DMD: variants seen among roughly 807,000 people sequenced by gnomAD.
DMD encodes mutant dystrophin.
DMD carries 63 observed loss-of-function variants against 330.1 expected under a neutral mutation model. The ratio of observed to expected loss-of-function variants is 0.19; its 90% confidence interval spans 0.16 to 0.24. The LOEUF (loss-of-function observed/expected upper bound fraction) is 0.24, where lower values mean the gene tolerates loss of function less well. Among genes scored for constraint, DMD ranks in the 10% least tolerant of loss-of-function variants. DMD has a pLI of 1.00. For synonymous variants in DMD, 1,223 were observed against 959.8 expected (o/e 1.27, Z -5.07); for missense variants, 3,344 against 2,684.1 (o/e 1.25, Z -5.43).
chrX:32,680,106 G>A (rs1195989094), intron 9 of DMD, among the ~76,000 whole-genome samples: 3 of 106,803 alleles, frequency 2.8e-5, no homozygotes, highest in Admixed American at 1.0e-4. Flanking sequence ...TTGAGACGGG[G>A]CTTCACCATG....
chrX:32,783,405 C>A (rs113508063), intron 7 of DMD, among the ~76,000 whole-genome samples: 9,631 of 101,667 alleles, frequency 0.095, 1,222 homozygotes, highest in African/African-American at 0.33. Context: ...ACACACACAC[C>A]CCTAGTATGT....
chrX:31,668,407 A>G (rs759326140), intron 53 of DMD, among the ~76,000 whole-genome samples: 3 of 110,780 alleles, frequency 2.7e-5, no homozygotes, highest in South Asian at 3.7e-4. Context: ...ATTTAGCTCT[A>G]TGATTCATTA....
At chrX:33,279,311 G>C (rs1172763568) in intron 1 of DMD, among the ~76,000 whole-genome samples, 3 of 111,787 alleles carry the variant, frequency 2.7e-5, no homozygotes, top group Non-Finnish European at 5.6e-5. Context: ...ACTTGCTCCT[G>C]AATGACTTTT....
intron 43 of DMD, among the ~76,000 whole-genome samples, chrX:32,228,075 C>G (rs1403552526): frequency 1.8e-5 from 2 of 111,431 alleles, no homozygotes; most frequent in African/African-American, 6.5e-5. Context: ...ATTAAGCACT[C>G]TATTTTGGCT....
Position 31,285,006 on chromosome X carries a change from C to T in DMD, c.9225-23990G>A, listed in dbSNP as rs895020426. Among the ~76,000 whole-genome samples the T allele has an allele frequency of 2.7e-5, 3 of 110,487 alleles. No homozygotes were observed. The Admixed American group carries it at 2.9e-4, about 11-fold the overall frequency. On this transcript the variant is annotated intron_variant, in intron 62 of 78. Coordinates refer to ENST00000357033, the MANE Select transcript of DMD (RefSeq NM_004006.3). ...TAGACCGAGATTTTCGATATTAAAA[C>T]ATTCAGTCTGCCAATGTACGTAGGA...
chrX:31,745,469 G>A (rs1232327046), intron 51 of DMD, among the ~76,000 whole-genome samples: 5 of 111,894 alleles, frequency 4.5e-5, no homozygotes, highest in African/African-American at 1.6e-4. Context: ...TGCATCCAAT[G>A]TCCCTTCCAA....
chrX:33,010,204 G>GTGTGTATATATGTACATA (rs1557208488), intron 2 of DMD, among the ~76,000 whole-genome samples: 32,824 of 89,241 alleles, frequency 0.37, 5,335 homozygotes, highest in Non-Finnish European at 0.44. Context: ...ATATGCATAT[G>GTGTGTATATATGTACATA]TGTGTGTATA....
chrX:31,487,897 T>G (rs1386183068), intron 57 of DMD, among the ~76,000 whole-genome samples: 1 of 111,608 alleles, frequency 9.0e-6, no homozygotes, highest in African/African-American at 3.3e-5. Context: ...GAAATTATGT[T>G]TTTTTTTTAA....
chrX:32,497,887 A>G (rs1012762870), intron 19 of DMD, among the ~76,000 whole-genome samples: 1 of 111,836 alleles, frequency 8.9e-6, no homozygotes, highest in African/African-American at 3.2e-5. Flanking sequence ...TTAGAAAACC[A>G]TTATTAGTTA....
At chrX:32,706,233 GGGGGAGT>G (rs1158624885) in intron 7 of DMD, among the ~76,000 whole-genome samples, 20 of 65,940 alleles carry the variant, frequency 3.0e-4, no homozygotes, top group African/African-American at 7.8e-4. Context: ...TTGTGGGGTG[GGGGGAGT>G]GGGGAGGGGG....
intron 9 of DMD, among the ~76,000 whole-genome samples, chrX:32,650,971 A>G (rs1320706775): frequency 2.7e-5 from 3 of 111,612 alleles, no homozygotes; most frequent in African/African-American, 9.8e-5. Context: ...AAATAGAAAA[A>G]TTAGATGACT....
chrX:32,922,549 A>G (rs1187458299), intron 2 of DMD, among the ~76,000 whole-genome samples: 1 of 112,213 alleles, frequency 8.9e-6, no homozygotes, highest in Non-Finnish European at 1.9e-5. Context: ...ACATTACAAC[A>G]TTTATCATTA....
intron 53 of DMD, among the ~76,000 whole-genome samples, chrX:31,676,207 G>A (rs1042518530): frequency 8.9e-6 from 1 of 111,825 alleles, no homozygotes; most frequent in Admixed American, 9.5e-5. Flanking sequence ...AAGAACTTAC[G>A]GAGCAAGGGG....
At chrX:31,977,195 T>A (rs913260374) in intron 44 of DMD, among the ~76,000 whole-genome samples, 2 of 111,962 alleles carry the variant, frequency 1.8e-5, no homozygotes, top group Non-Finnish European at 1.9e-5. Context: ...AATAATTGCT[T>A]AAGAAATATT....
chrX:32,011,441 A>T (rs2095707932), intron 44 of DMD, among the ~76,000 whole-genome samples: 1 of 111,913 alleles, frequency 8.9e-6, no homozygotes, highest in Non-Finnish European at 1.9e-5. Context: ...TGGGAACTAC[A>T]TTTCCCAGAC....
At chrX:32,974,264 A>G (rs1188868306) in intron 2 of DMD, among the ~76,000 whole-genome samples, 1 of 111,427 alleles carries the variant, frequency 9.0e-6, no homozygotes. Context: ...CACAACACAG[A>G]GTAGCGGTTG....
chrX:31,344,843 A>G (rs1037920045), intron 61 of DMD, among the ~76,000 whole-genome samples: 2 of 109,577 alleles, frequency 1.8e-5, no homozygotes, highest in Non-Finnish European at 3.8e-5. Flanking sequence ...AAAAAAATAA[A>G]AGATAGAACC....
rs998316196 is a variant in DMD at position 33,073,813 on chromosome X, C to T, written c.32-53613G>A. Among the ~76,000 whole-genome samples the T allele has an allele frequency of 4.8e-5, 5 of 103,469 alleles. No individual in the cohort carries two copies. The East Asian group carries it at 1.6e-3, about 32-fold the overall frequency. 89.9% of individuals were successfully genotyped at this position (103,469 alleles called of 115,157 possible). ...CATCACCGCACTCCATCCTGGACAA[C>T]GAGAGCAAAACTCTGTCTCAAATAA... On this transcript the variant is annotated intron_variant, in intron 1 of 78. Transcript: ENST00000357033.
At chrX:31,220,102 G>T (rs776822620) in intron 64 of DMD, among the ~76,000 whole-genome samples, 1 of 111,261 alleles carries the variant, frequency 9.0e-6, no homozygotes, top group South Asian at 3.8e-4. Context: ...TGTGTACTAG[G>T]CTATACCATC....
Sources: allele counts gnomAD v4.1 joint callset (sites outside exome capture counted in the v4.1 genomes callset), GRCh38; gene constraint gnomAD v4.1.1; transcripts MANE v1.5; gene names NCBI Gene and HGNC (gene_info 2026-07-23, HGNC 2026-07-21).